TNRC6B: variants seen among roughly 807,000 people sequenced by gnomAD.
The protein encoded by TNRC6B is trinucleotide repeat containing adaptor 6B.
A neutral mutation model predicts 203.6 loss-of-function variants in TNRC6B; 52 were observed. The ratio of observed to expected loss-of-function variants is 0.26; its 90% CI spans 0.20 to 0.32. The LOEUF (loss-of-function observed/expected upper bound fraction) is 0.32. Ranked by LOEUF, TNRC6B falls within the 10% of genes least tolerant of loss-of-function variation. TNRC6B has a pLI of 1.00. For synonymous variants in TNRC6B, 838 were observed against 845.7 expected (o/e 0.99, Z 0.16); for missense variants, 1,923 against 2,286.2 (o/e 0.84, Z 3.24).
Position 40,110,991 on chromosome 22 carries a change from G to A in TNRC6B, c.-120-6064G>A, listed in dbSNP as rs377508132. On this transcript the variant is annotated intron_variant, in intron 1 of 23. Coordinates refer to the TNRC6B transcript ENST00000301923. ...GACAGTGATAAGGAAGCCTTAGACC[G>A]GGAAGCTTACCACCTCCTAGTGTAC... Among the ~76,000 whole-genome samples, 12 of 152,246 alleles carry A rather than the reference G, an allele frequency of 7.9e-5. No individual in the cohort carries two copies. In the East Asian group the frequency reaches 1.5e-3, roughly 20 times the overall value.
chr22:40,318,404 G>T (rs1265513887), intron 21 of TNRC6B, among the ~76,000 whole-genome samples: 1 of 152,094 alleles, frequency 6.6e-6, no homozygotes, highest in Non-Finnish European at 1.5e-5. Context: ...AAAATTAGCC[G>T]GGTGTGGTGG....
At chr22:40,257,436 G>T (rs558097825) in intron 3 of TNRC6B, among the ~76,000 whole-genome samples, 45 of 152,334 alleles carry the variant, frequency 3.0e-4, no homozygotes, top group African/African-American at 1.1e-3. Flanking sequence ...ATGAATGGAG[G>T]ACGGGCACGG....
Position 40,205,023 on chromosome 22 carries a change from T to G in TNRC6B, c.5+26883T>G, listed in dbSNP as rs570259880. 1.8e-4 allele frequency among the ~76,000 whole-genome samples: 28 copies of G among 152,352 alleles called. 1 individual carries two copies. Among genetic ancestry groups the G allele is most frequent in the South Asian group, 8.3e-4 (4 of 4,830 alleles). On this transcript the variant is annotated intron_variant, in intron 1 of 22. Coordinates refer to ENST00000454349, the MANE Select transcript of TNRC6B (RefSeq NM_001162501.2). The stretch of plus-strand genomic sequence containing the variant: ...CCATTTTGAAGACAGTATACAACTA[T>G]GTAGCTAAGAGCAGTTTGCCTAACA...
chr22:40,229,444 G>C (rs1032893462), intron 1 of TNRC6B, among the ~76,000 whole-genome samples: 1 of 151,068 alleles, frequency 6.6e-6, no homozygotes, highest in Non-Finnish European at 1.5e-5. Context: ...TGTAGGAAAG[G>C]CTTTTTTTTT....
At chr22:40,292,278 A>G (rs1025479618) in intron 12 of TNRC6B, among the ~76,000 whole-genome samples, 5 of 149,834 alleles carry the variant, frequency 3.3e-5, no homozygotes, top group Non-Finnish European at 7.4e-5. Context: ...GCTTGAACCC[A>G]GGAGGTGGAG....
chr22:40,231,053 CTATA>C lies in TNRC6B; in HGVS notation c.6-14950_6-14947del, dbSNP rs527765934. Among the ~76,000 whole-genome samples the C allele has an allele frequency of 2.6e-4, 38 of 148,086 alleles. 1 individual carries two copies. In the South Asian group the frequency reaches 7.9e-3, roughly 31 times the overall value. On this transcript the variant is annotated intron_variant, in intron 1 of 22. Transcript: ENST00000454349. ...TTGAAAATTGGTTGTCTCTCTCTCT[CTATA>C]TATATATATATCAGTGTATTTGTGG...
At chr22:40,107,510 A>G (rs1362896502) in intron 1 of TNRC6B, among the ~76,000 whole-genome samples, 1 of 152,180 alleles carries the variant, frequency 6.6e-6, no homozygotes, top group Non-Finnish European at 1.5e-5. Flanking sequence ...TATGTTTACT[A>G]AAAAATAAAA....
intron 1 of TNRC6B, among the ~76,000 whole-genome samples, chr22:40,091,082 C>T (rs549069082): frequency 6.6e-6 from 1 of 152,060 alleles, no homozygotes; most frequent in Non-Finnish European, 1.5e-5. Flanking sequence ...CCCGGGTTCA[C>T]GCCATTCTCC....
At chr22:40,201,661 G>A (rs1249129279) in intron 1 of TNRC6B, among the ~76,000 whole-genome samples, 1 of 151,800 alleles carries the variant, frequency 6.6e-6, no homozygotes, top group Non-Finnish European at 1.5e-5. Flanking sequence ...TGGGACTCAA[G>A]CGATCCTCCC....
chr22:40,249,644 G>A (rs2070158016), intron 2 of TNRC6B, among the ~76,000 whole-genome samples: 1 of 152,204 alleles, frequency 6.6e-6, no homozygotes, highest in South Asian at 2.1e-4. Context: ...CTTACAATGG[G>A]AAGGCACTGA....
chr22:40,322,739 AT>A (rs1207743605), intron 22 of TNRC6B, 114 bp from the exon 23 acceptor site: 29 of 1,247,396 alleles, frequency 2.3e-5, no homozygotes, highest in Non-Finnish European at 3.1e-5. Flanking sequence ...GTTCATGGAT[AT>A]GGCAGCTTCT....
intron 6 of TNRC6B, among the ~76,000 whole-genome samples, chr22:40,270,815 T>A (rs961267285): frequency 6.6e-6 from 1 of 152,230 alleles, no homozygotes; most frequent in Non-Finnish European, 1.5e-5. Context: ...AAGTTAATTT[T>A]GTTTTAAATT....
chr22:40,217,458 G>A (rs73885666), intron 1 of TNRC6B, among the ~76,000 whole-genome samples: 1,639 of 152,236 alleles, frequency 0.011, 27 homozygotes, highest in African/African-American at 0.038. Flanking sequence ...TCATTATTTT[G>A]GTCACAGTGA....
intron 6 of TNRC6B, 144 bp downstream of exon 6, chr22:40,270,424 A>AT (rs1876592544): frequency 1.2e-6 from 1 of 825,214 alleles, no homozygotes; most frequent in Non-Finnish European, 1.6e-6. Flanking sequence ...GCTTCAAGCG[A>AT]TTCTCCTGCC....
chr22:40,302,357 G>T (rs181869155), intron 15 of TNRC6B, among the ~76,000 whole-genome samples: 1 of 152,126 alleles, frequency 6.6e-6, no homozygotes, highest in African/African-American at 2.4e-5. Flanking sequence ...GAGTTGGGCC[G>T]CGCGCGGTGA....
chr22:40,109,836 G>A (rs987777004), intron 1 of TNRC6B, among the ~76,000 whole-genome samples: 2 of 152,130 alleles, frequency 1.3e-5, no homozygotes, highest in African/African-American at 4.8e-5. Context: ...TCAGCTTAGC[G>A]CTTAGCTTTT....
In TNRC6B at chr22:40,266,014, C is replaced by A. The variant is rs776679458; in HGVS notation, c.1784C>A (p.Pro595His). 11 of 1,613,642 alleles carry A rather than the reference C, an allele frequency of 6.8e-6. No individual in the cohort carries two copies. Among genetic ancestry groups the A allele is most frequent in the Admixed American group, 1.7e-5 (1 of 60,004 alleles). ...SHNSGRRSYR[P>H]THPDCQAVLQ... Reference sequence around the variant, plus strand: ...AACTCTGGCCGTCGGTCGTACAGGCCCACACATCCTGATTGTCAGGCTGTC... The same window carrying A: ...AACTCTGGCCGTCGGTCGTACAGGCACACACATCCTGATTGTCAGGCTGTC... Residue 595 changes from proline (P) to histidine (H), a missense_variant, in exon 5 of 23, where the codon CCC (proline) becomes CAC (histidine). Physicochemically the swap from Pro to His is moderately conservative, Grantham distance 77. Transcript: ENST00000454349.
chr22:40,303,276 G>T lies in TNRC6B; in HGVS notation c.4120+1943G>T, dbSNP rs180860417. Reference sequence around the variant, plus strand: ...CCTGACCTCAGGTGATCTGCCCACCGTGGCCTCCCAAAGTGCTGGGGTTAC... The same window carrying T: ...CCTGACCTCAGGTGATCTGCCCACCTTGGCCTCCCAAAGTGCTGGGGTTAC... On this transcript the variant is annotated intron_variant, in intron 15 of 22. Coordinates refer to ENST00000454349, the MANE Select transcript of TNRC6B (RefSeq NM_001162501.2). Among the ~76,000 whole-genome samples, 945 of 151,804 alleles carry T rather than the reference G, an allele frequency of 6.2e-3. 15 individuals carry two copies. The highest frequency in any genetic ancestry group is 0.022 in the African/African-American group (913 of 41,444).
intron 1 of TNRC6B, among the ~76,000 whole-genome samples, chr22:40,089,495 AT>A (rs1420600534): frequency 6.6e-6 from 1 of 152,040 alleles, no homozygotes; most frequent in East Asian, 1.9e-4. Flanking sequence ...AGCCTCCTAA[AT>A]TGCTGGGATT....
Sources: gnomAD v4.1 joint callset for allele counts (sites outside exome capture counted in the v4.1 genomes callset) on GRCh38, gnomAD v4.1.1 for gene constraint, MANE v1.5 for transcripts, NCBI Gene and HGNC (gene_info 2026-07-23, HGNC 2026-07-21) for gene names.